CLIC4: variants seen among roughly 807,000 people sequenced by gnomAD.
CLIC4 encodes CLIC family member 4.
In CLIC4, 13 loss-of-function variants were observed where a neutral mutation model predicts 24.6. The ratio of observed to expected loss-of-function variants is 0.53; its 90% CI spans 0.34 to 0.84. The LOEUF (loss-of-function observed/expected upper bound fraction) is 0.84, where lower values mean the gene tolerates loss of function less well. Among genes scored for constraint, CLIC4 ranks in the 40% least tolerant of loss-of-function variants. CLIC4 has a pLI of 0.01. For synonymous variants in CLIC4, 104 were observed against 111.3 expected (o/e 0.93, Z 0.41); for missense variants, 227 against 301.7 (o/e 0.75, Z 1.83).
chr1:24,822,795 C>T (rs1385112862), intron 3 of CLIC4, among the ~76,000 whole-genome samples: 2 of 152,084 alleles, frequency 1.3e-5, no homozygotes, highest in Admixed American at 6.5e-5. Context: ...AATTAATTAG[C>T]ATAATTTTCA....
At chr1:24,772,234 A>G (rs1639078708) in intron 1 of CLIC4, among the ~76,000 whole-genome samples, 2 of 152,116 alleles carry the variant, frequency 1.3e-5, no homozygotes, top group Non-Finnish European at 2.9e-5. Context: ...TAAAGCAGAC[A>G]CAGAACCATT....
chr1:24,804,786 T>C (rs1035138866), intron 2 of CLIC4, among the ~76,000 whole-genome samples: 2 of 152,032 alleles, frequency 1.3e-5, no homozygotes, highest in Middle Eastern at 3.2e-3. Context: ...TAAACTGTTA[T>C]CAAGATGGTA....
chr1:24,782,194 C>T (rs1193346201), intron 1 of CLIC4, among the ~76,000 whole-genome samples: 5 of 152,092 alleles, frequency 3.3e-5, no homozygotes, highest in African/African-American at 1.2e-4. Context: ...ACTACTAACT[C>T]AGAGGAGGAA....
At chr1:24,812,555 A>C (rs1350829203) in intron 2 of CLIC4, among the ~76,000 whole-genome samples, 1 of 152,010 alleles carries the variant, frequency 6.6e-6, no homozygotes, top group Non-Finnish European at 1.5e-5. Context: ...TCATTCTATC[A>C]CTATCTCTAA....
rs1360779843 is a variant in CLIC4, at chr1:24,839,952, G to T, written c.508G>T (p.Asp170Tyr). ...TGAAATTGATGAAAATAGTATGGAGGACATAAAGTTTTCTACACGTAAATT... is the reference window on the plus strand; with the variant it reads ...TGAAATTGATGAAAATAGTATGGAGTACATAAAGTTTTCTACACGTAAATT... ...PDEIDENSME[D>Y]IKFSTRKFLD... is the part of the protein sequence containing the mutation. Residue 170 changes from aspartate (D) to tyrosine (Y), a missense_variant, in exon 5 of 6, where the codon GAC becomes TAC. Transcript: ENST00000374379. 2.5e-6 allele frequency: 4 copies of T among 1,613,732 alleles called. No homozygotes were observed. The highest frequency in any genetic ancestry group is 3.4e-6 in the Non-Finnish European group (4 of 1,179,968).
chr1:24,810,321 A>G (rs1460524746), intron 2 of CLIC4, among the ~76,000 whole-genome samples: 1 of 152,208 alleles, frequency 6.6e-6, no homozygotes, highest in African/African-American at 2.4e-5. Flanking sequence ...CTTAATCTAT[A>G]ACAGTCCCCC....
At chr1:24,810,761 CAA>C (rs898789493) in intron 2 of CLIC4, among the ~76,000 whole-genome samples, 1 of 136,438 alleles carries the variant, frequency 7.3e-6, no homozygotes, top group African/African-American at 2.7e-5. Flanking sequence ...TGACTGGTCT[CAA>C]AAAAAAAAAA....
At chr1:24,805,754 T>C (rs1310124022) in intron 2 of CLIC4, among the ~76,000 whole-genome samples, 1 of 152,228 alleles carries the variant, frequency 6.6e-6, no homozygotes, top group Non-Finnish European at 1.5e-5. Context: ...CAGCTGGAAC[T>C]GAGTCACCAG....
chr1:24,758,440 C>T (rs542145423), intron 1 of CLIC4, among the ~76,000 whole-genome samples: 33 of 151,700 alleles, frequency 2.2e-4, no homozygotes, highest in South Asian at 6.2e-4. Context: ...GGATTATAGG[C>T]GCCTGCCACC....
intron 2 of CLIC4, among the ~76,000 whole-genome samples, chr1:24,810,300 C>CT (rs1194481227): frequency 3.9e-5 from 6 of 152,140 alleles, no homozygotes; most frequent in Non-Finnish European, 5.9e-5. Context: ...TGTTATATCT[C>CT]TTAAGTTTTT....
intron 1 of CLIC4, among the ~76,000 whole-genome samples, chr1:24,753,094 T>TA (rs1252107677): frequency 2.6e-5 from 4 of 152,160 alleles, no homozygotes; most frequent in African/African-American, 9.7e-5. Context: ...GAAATTACAG[T>TA]AAAAAATTCT....
At chr1:24,827,986 T>C (rs1639803791) in intron 4 of CLIC4, among the ~76,000 whole-genome samples, 1 of 152,216 alleles carries the variant, frequency 6.6e-6, no homozygotes, top group South Asian at 2.1e-4. Context: ...AAAATATTTA[T>C]CATAGTTCCA....
chr1:24,811,398 T>TGGATCACCTGGTGAAA (rs1368642815), intron 2 of CLIC4, among the ~76,000 whole-genome samples: 3 of 152,212 alleles, frequency 2.0e-5, no homozygotes, highest in Non-Finnish European at 4.4e-5. Flanking sequence ...TCTGACCTAA[T>TGGATCACCTGGTGAAA]GGATCACCTG....
rs943515567 is a variant in CLIC4, at chr1:24,829,428, A to G, written c.415+2312A>G. Reference sequence around the variant, plus strand: ...ATATAATTCTTTTGATAACACGTTCAAGTTGATTGGGAGTAAAAGTTTATG... The same window carrying G: ...ATATAATTCTTTTGATAACACGTTCGAGTTGATTGGGAGTAAAAGTTTATG... On this transcript the variant is annotated intron_variant, in intron 4 of 5. Coordinates refer to ENST00000374379, the MANE Select transcript of CLIC4 (RefSeq NM_013943.3). 3.3e-5 allele frequency among the ~76,000 whole-genome samples: 5 copies of G among 152,302 alleles called. No individual in the cohort carries two copies. In the East Asian group the frequency reaches 5.8e-4, roughly 18 times the overall value.
At chr1:24,814,895 A>G (rs1639653088) in intron 3 of CLIC4, among the ~76,000 whole-genome samples, 1 of 152,200 alleles carries the variant, frequency 6.6e-6, no homozygotes, top group African/African-American at 2.4e-5. Flanking sequence ...TCTACTGACC[A>G]AAACCTTTCT....
chr1:24,797,724 T>C lies in CLIC4; in HGVS notation c.73-18T>C. 1 of 1,569,758 alleles carries C rather than the reference T, an allele frequency of 6.4e-7. No homozygotes were observed. Among genetic ancestry groups the C allele is most frequent in the Non-Finnish European group, 8.7e-7 (1 of 1,151,462 alleles). ...CATCACTTTGACCTTGTTTTTAATGTTTAATTCTGTTTTCCAGGCTGGCAG... is the reference window on the plus strand; with the variant it reads ...CATCACTTTGACCTTGTTTTTAATGCTTAATTCTGTTTTCCAGGCTGGCAG... On this transcript the variant is annotated intron_variant, in intron 1 of 5. Transcript: ENST00000374379.
At chr1:24,829,525 C>G (rs1366546612) in intron 4 of CLIC4, among the ~76,000 whole-genome samples, 1 of 152,066 alleles carries the variant, frequency 6.6e-6, no homozygotes, top group Admixed American at 6.5e-5. Context: ...TATGACCTGT[C>G]CCCAGATCTC....
rs562912370 is a variant in CLIC4, at chr1:24,841,762, C to CT, written c.*828dup. 35 of 152,640 alleles carry CT rather than the reference C, an allele frequency of 2.3e-4. No homozygotes were observed. The highest frequency in any genetic ancestry group is 3.4e-3 in the Middle Eastern group (1 of 294). 9.5% of individuals were successfully genotyped at this position (152,640 alleles called of 1,614,324 possible). A position where few individuals can be genotyped will look rare whatever the true frequency, so the allele number is the denominator to read the frequency against. On this transcript the variant is annotated 3_prime_UTR_variant, in exon 6 of 6. Coordinates refer to ENST00000374379, the MANE Select transcript of CLIC4 (RefSeq NM_013943.3). ...CATTCATTTGGAACTTTATTGCATT[C>CT]TTTATTTTAAAAAGCTTGTTTTTAC...
chr1:24,793,845 T>G (rs1639367756), intron 1 of CLIC4, among the ~76,000 whole-genome samples: 1 of 152,178 alleles, frequency 6.6e-6, no homozygotes. Context: ...GTTTAGGAAT[T>G]AATGACTTTT....
Sources: allele counts gnomAD v4.1 joint callset (sites outside exome capture counted in the v4.1 genomes callset), GRCh38; gene constraint gnomAD v4.1.1; transcripts MANE v1.5; gene names NCBI Gene and HGNC (gene_info 2026-07-23, HGNC 2026-07-21).